Variants in KAZN observed in about 807,000 individuals in gnomAD.
The protein encoded by KAZN is kazrin, periplakin interacting protein, also known as kazrin.
KAZN carries 40 observed loss-of-function variants against 87.4 expected under a neutral mutation model. The observed-to-expected ratio is 0.46, with a 90% CI of 0.36 to 0.60. The LOEUF is 0.60. Ranked by LOEUF, KAZN falls within the 20% of genes least tolerant of loss-of-function variation. KAZN has a pLI of 0.00. For synonymous variants in KAZN, 466 were observed against 458.3 expected (o/e 1.02, Z -0.22); for missense variants, 898 against 1,073.9 (o/e 0.84, Z 2.29).
rs1026371448 is a variant in KAZN at position 14,769,065 on chromosome 1, C to A, written c.226+169842C>A. Among the ~76,000 whole-genome samples the A allele has an allele frequency of 6.6e-6, 1 of 152,174 alleles. No homozygotes were observed. The highest frequency in any genetic ancestry group is 1.5e-5 in the Non-Finnish European group (1 of 68,042). Reference sequence around the variant, plus strand: ...GTTAATGAGTGAATTAATTACCAGGCAAAGAGCCCATTTGAAGGCTCAACC... The same window carrying A: ...GTTAATGAGTGAATTAATTACCAGGAAAAGAGCCCATTTGAAGGCTCAACC... On this transcript the variant is annotated intron_variant, in intron 1 of 14. Coordinates refer to ENST00000376030, the MANE Select transcript of KAZN (RefSeq NM_201628.3). The surrounding 1 kb of genome is among the most constrained non-coding windows in gnomAD (Gnocchi z 4.1).
At chr1:13,950,920 C>T (rs1483550738) in intron 1 of KAZN, among the ~76,000 whole-genome samples, 2 of 151,956 alleles carry the variant, frequency 1.3e-5, no homozygotes, top group African/African-American at 4.8e-5. Context: ...AATCGCCTTC[C>T]CAAAAGATGT....
intron 7 of KAZN, 138 bp downstream of exon 7, chr1:15,063,760 C>T (rs918456331): frequency 1.3e-5 from 9 of 715,050 alleles, no homozygotes; most frequent in African/African-American, 5.3e-5. Context: ...GCTGAGCCCA[C>T]GTCCATACTG....
At chr1:14,003,393 C>T (rs1322150982) in intron 1 of KAZN, among the ~76,000 whole-genome samples, 1 of 149,436 alleles carries the variant, frequency 6.7e-6, no homozygotes, top group East Asian at 2.0e-4. Flanking sequence ...ATGCAAGATG[C>T]TAGGACTTGT....
chr1:15,085,637 C>T (rs1640216992), intron 8 of KAZN, among the ~76,000 whole-genome samples: 1 of 152,082 alleles, frequency 6.6e-6, no homozygotes, highest in East Asian at 1.9e-4. Context: ...CCACTAGCCA[C>T]ATTTATTAGC....
chr1:14,012,238 A>G (rs1363391394), intron 1 of KAZN, among the ~76,000 whole-genome samples: 2 of 152,216 alleles, frequency 1.3e-5, no homozygotes, highest in African/African-American at 2.4e-5. Flanking sequence ...CATTTTGAAA[A>G]TGTTCATTAA....
chr1:14,040,803 A>ATAAAATAAAATAAAATTAAAT (rs1553119543), intron 1 of KAZN, among the ~76,000 whole-genome samples: 35 of 150,774 alleles, frequency 2.3e-4, no homozygotes, highest in East Asian at 1.4e-3. Context: ...TTAAATTAAA[A>ATAAAATAAAATAAAATTAAAT]TAAAATAAAA....
intron 1 of KAZN, among the ~76,000 whole-genome samples, chr1:14,698,559 C>A (rs1641745528): frequency 6.6e-6 from 1 of 152,242 alleles, no homozygotes; most frequent in Non-Finnish European, 1.5e-5. Flanking sequence ...AGCTCAAATG[C>A]CATCTTGCCA....
intron 1 of KAZN, among the ~76,000 whole-genome samples, chr1:14,857,323 G>A (rs190317921): frequency 8.5e-5 from 13 of 152,192 alleles, no homozygotes; most frequent in Non-Finnish European, 7.4e-5. Flanking sequence ...TCAGGAGTTC[G>A]AGACCAGCCT....
intron 1 of KAZN, among the ~76,000 whole-genome samples, chr1:14,863,360 G>A (rs969441326): frequency 3.9e-5 from 6 of 152,158 alleles, no homozygotes; most frequent in African/African-American, 7.2e-5. Flanking sequence ...CTGTCCCTCC[G>A]GGGGATGCCA....
intron 2 of KAZN, among the ~76,000 whole-genome samples, chr1:15,019,474 T>TG (rs1421354378): frequency 6.6e-6 from 1 of 152,208 alleles, no homozygotes; most frequent in Non-Finnish European, 1.5e-5. Context: ...CTGCAACCTG[T>TG]GTCCCCCTGG....
At chr1:14,603,257 G>A (rs1677115257) in intron 1 of KAZN, among the ~76,000 whole-genome samples, 1 of 152,164 alleles carries the variant, frequency 6.6e-6, no homozygotes, top group African/African-American at 2.4e-5. Flanking sequence ...TTTTCAAATG[G>A]CAGAGAGGAT....
chr1:14,520,345 G>A (rs1377030406), intron 2 of KAZN, among the ~76,000 whole-genome samples: 6 of 152,092 alleles, frequency 3.9e-5, no homozygotes, highest in African/African-American at 1.4e-4. Context: ...GGTGGGCATG[G>A]GGTGCCATGA....
At chr1:14,662,525 C>A (rs1639247215) in intron 1 of KAZN, among the ~76,000 whole-genome samples, 1 of 152,166 alleles carries the variant, frequency 6.6e-6, no homozygotes, top group African/African-American at 2.4e-5. Context: ...CCATTCCTAG[C>A]AGCTCCTCCC....
intron 1 of KAZN, among the ~76,000 whole-genome samples, chr1:14,073,536 G>A (rs1036701135): frequency 6.6e-6 from 1 of 152,086 alleles, no homozygotes; most frequent in Non-Finnish European, 1.5e-5. Context: ...TTCTCCTAAT[G>A]CTATCCCTTC....
intron 2 of KAZN, among the ~76,000 whole-genome samples, chr1:14,404,934 A>C (rs951295987): frequency 2.6e-5 from 4 of 152,226 alleles, no homozygotes; most frequent in Admixed American, 6.5e-5. Context: ...GTGGAAGAAG[A>C]GCAAATGTTC....
chr1:14,115,558 G>A (rs1281872574), intron 1 of KAZN, among the ~76,000 whole-genome samples: 1 of 150,918 alleles, frequency 6.6e-6, no homozygotes, highest in African/African-American at 2.5e-5. Flanking sequence ...CAGCCATGTG[G>A]AACTGTAAGT....
rs28416543 is a variant in KAZN, at chr1:15,063,824, C to T, written c.1098+202C>T. Among the ~76,000 whole-genome samples, 146 of 127,120 alleles carry T rather than the reference C, an allele frequency of 1.1e-3. 1 individual carries two copies. The highest frequency in any genetic ancestry group is 6.7e-3 in the African/African-American group (131 of 19,466). The allele number at this position is 127,120 out of a possible 152,430, so 83.4% of individuals were successfully genotyped here. A position where few individuals can be genotyped will look rare whatever the true frequency, so the allele number is the denominator to read the frequency against. On this transcript the variant is annotated intron_variant, in intron 7 of 14. Coordinates refer to ENST00000376030, the MANE Select transcript of KAZN (RefSeq NM_201628.3). Reference sequence around the variant, plus strand: ...ACTTCCGCTGAGCCCACATCCATGCCGCACACCCAAGGCGGAGAGGATTTA... The same window carrying T: ...ACTTCCGCTGAGCCCACATCCATGCTGCACACCCAAGGCGGAGAGGATTTA...
At chr1:14,459,725 C>A (rs1394622182) in intron 2 of KAZN, among the ~76,000 whole-genome samples, 52 of 152,100 alleles carry the variant, frequency 3.4e-4, no homozygotes, top group Admixed American at 3.4e-3. Context: ...AATGTTCTAA[C>A]CTCCGAGGGC....
In KAZN at chr1:14,382,982, T is replaced by C. The variant is rs1466317884; in HGVS notation, c.249+202390T>C. Reference sequence around the variant, plus strand: ...TCTCCACATCCTCTCCAGCACCTGTTGTTTCCTGACTTTTTAATGATTGCC... The same window carrying C: ...TCTCCACATCCTCTCCAGCACCTGTCGTTTCCTGACTTTTTAATGATTGCC... On this transcript the variant is annotated intron_variant, in intron 2 of 16. Coordinates refer to the KAZN transcript ENST00000636203. Among the ~76,000 whole-genome samples the C allele has an allele frequency of 2.0e-5, 3 of 150,056 alleles. No homozygotes were observed. The East Asian group carries it at 5.9e-4, about 29-fold the overall frequency.
Sources: gnomAD v4.1 joint callset for allele counts (sites outside exome capture counted in the v4.1 genomes callset) on GRCh38, gnomAD v4.1.1 for gene constraint, Gnocchi (gnomAD v3.1) non-coding constraint, MANE v1.5 for transcripts, NCBI Gene and HGNC (gene_info 2026-07-23, HGNC 2026-07-21) for gene names.